Variants in MYH8 observed in about 807,000 individuals in gnomAD.
MYH8 encodes myosin heavy chain 8, also known as myosin-8.
A neutral mutation model predicts 233.2 loss-of-function variants in MYH8; 168 were observed. The observed-to-expected ratio is 0.72, with a 90% CI of 0.64 to 0.82. The LOEUF is 0.82. Among genes scored for constraint, MYH8 ranks in the 40% least tolerant of loss-of-function variants. The pLI is 0.00. For synonymous variants in MYH8, 785 were observed against 850.6 expected (o/e 0.92, Z 1.34); for missense variants, 1,995 against 2,327.8 (o/e 0.86, Z 2.94).
Position 10,401,934 on chromosome 17 carries a change from G to A in MYH8, c.2689-149C>T, listed in dbSNP as rs999302732. 3.8e-5 allele frequency: 46 copies of A among 1,198,018 alleles called. 1 individual carries two copies. The South Asian group carries it at 5.7e-4, about 15-fold the overall frequency. 74.2% of individuals were successfully genotyped at this position (1,198,018 alleles called of 1,614,324 possible). A position where few individuals can be genotyped will look rare whatever the true frequency, so the allele number is the denominator to read the frequency against. The stretch of plus-strand genomic sequence containing the variant: ...TAATTTAATCGAACATTATTACATG[G>A]TCTGGAGAAATGCAGCTTATTGGAA... On this transcript the variant is annotated intron_variant, in intron 22 of 39. Coordinates refer to ENST00000403437, the MANE Select transcript of MYH8 (RefSeq NM_002472.3).
At chr17:10,414,994 A>C (rs1433473121) in intron 9 of MYH8, 122 bp downstream of exon 9, 2 of 882,882 alleles carry the variant, frequency 2.3e-6, no homozygotes, top group African/African-American at 3.3e-5. Flanking sequence ...ATTAGCTTAC[A>C]GGCAGTACTG....
chr17:10,407,071 C>T (rs2072201575), intron 17 of MYH8, 92 bp from the exon 18 acceptor site: 2 of 936,902 alleles, frequency 2.1e-6, no homozygotes, highest in South Asian at 1.4e-5. Flanking sequence ...AGTCCTTTAA[C>T]TACTAGGCAT....
intron 2 of MYH8, 79 bp from the exon 3 acceptor site, chr17:10,420,336 A>G: frequency 7.9e-7 from 1 of 1,261,134 alleles, no homozygotes; most frequent in Non-Finnish European, 1.1e-6. Context: ...AATGAAAGAA[A>G]TGTTGAACAT....
chr17:10,420,924 C>A (rs2072333480), intron 2 of MYH8, among the ~76,000 whole-genome samples: 1 of 152,162 alleles, frequency 6.6e-6, no homozygotes, highest in Non-Finnish European at 1.5e-5. Flanking sequence ...GTTAACAGAT[C>A]TAACCACAGA....
At chr17:10,416,579 A>G (rs1407794978) in intron 5 of MYH8, among the ~76,000 whole-genome samples, 1 of 152,204 alleles carries the variant, frequency 6.6e-6, no homozygotes, top group Non-Finnish European at 1.5e-5. Flanking sequence ...ACAGTGTACA[A>G]GAGTTCTAAT....
intron 17 of MYH8, 147 bp downstream of exon 17, chr17:10,408,950 T>G (rs570795112): frequency 9.7e-6 from 7 of 724,846 alleles, no homozygotes; most frequent in Non-Finnish European, 1.7e-5. Flanking sequence ...CCTACAGGAG[T>G]AGTATTTCTT....
chr17:10,416,244 G>T (rs1399989825), intron 5 of MYH8, among the ~76,000 whole-genome samples: 2 of 152,094 alleles, frequency 1.3e-5, no homozygotes, highest in African/African-American at 2.4e-5. Flanking sequence ...CACTCAGCAT[G>T]GTGTCCTCAA....
Position 10,395,382 on chromosome 17 carries a change from G to A in MYH8, c.4713C>T (p.Val1571=). Residue 1571 remains valine (V), a synonymous_variant, in exon 34 of 40, where the codon GTC becomes GTT. Transcript: ENST00000403437. The part of the protein sequence containing the change: ...ILRIQLELNQ[V]KSEVDRKIAE... ...CGATTTTTCTATCAACTTCAGACTT[G>A]ACTTGGTTTAACTCAAGCTGGATAC... 1 of 1,614,066 alleles carries A rather than the reference G, an allele frequency of 6.2e-7. No homozygotes were observed. Among genetic ancestry groups the A allele is most frequent in the Non-Finnish European group, 8.5e-7 (1 of 1,180,000 alleles).
At chr17:10,408,101 C>T (rs1024968279) in intron 17 of MYH8, among the ~76,000 whole-genome samples, 6 of 151,812 alleles carry the variant, frequency 4.0e-5, no homozygotes, top group South Asian at 2.1e-4. Flanking sequence ...CCACTATGCC[C>T]GGCTAATTTT....
chr17:10,408,005 A>G (rs1382811195), intron 17 of MYH8, among the ~76,000 whole-genome samples: 8 of 149,474 alleles, frequency 5.4e-5, no homozygotes, highest in African/African-American at 2.0e-4. Flanking sequence ...CAGTGGTGCA[A>G]TCTCGGTCCA....
intron 21 of MYH8, among the ~76,000 whole-genome samples, chr17:10,404,923 C>T (rs2072178740): frequency 6.6e-6 from 1 of 151,970 alleles, no homozygotes; most frequent in South Asian, 2.1e-4. Flanking sequence ...CAGCACATAC[C>T]ATTTGACATA....
intron 14 of MYH8, among the ~76,000 whole-genome samples, chr17:10,412,082 T>C (rs1259697522): frequency 6.6e-6 from 1 of 152,218 alleles, no homozygotes; most frequent in Non-Finnish European, 1.5e-5. Context: ...TTTCCCTGCA[T>C]CTTAGTTTCT....
At chr17:10,394,579 C>G in intron 34 of MYH8, 127 bp from the exon 35 acceptor site, 1 of 1,179,916 alleles carries the variant, frequency 8.5e-7, no homozygotes, top group Non-Finnish European at 1.2e-6. Context: ...TTGAATGCAT[C>G]TGATTATGGT....
chr17:10,409,463 C>A lies in MYH8; in HGVS notation c.1713G>T (p.Val571=), dbSNP rs1025725985. ...AGTGGGCCTCAGCCTTGCCTTTGAC[C>A]ACCTTGGGCTTCTGGAAGTTGGCAG... ...GKSANFQKPK[V]VKGKAEAHFS... The change falls in exon 16 of 40, where the codon GTG becomes GTT. Residue 571 remains valine, a synonymous_variant. Coordinates refer to ENST00000403437, the MANE Select transcript of MYH8 (RefSeq NM_002472.3). 5 of 1,614,082 alleles carry A rather than the reference C, an allele frequency of 3.1e-6. No homozygotes were observed. In the African/African-American group the frequency reaches 6.7e-5, roughly 22 times the overall value.
intron 30 of MYH8, among the ~76,000 whole-genome samples, chr17:10,397,824 A>G (rs1013058122): frequency 2.6e-5 from 4 of 152,126 alleles, no homozygotes; most frequent in East Asian, 1.9e-4. Context: ...TAGTTGGACA[A>G]TCTCTCCTGG....
rs1597401380 is a variant in MYH8 at position 10,406,137 on chromosome 17, A to G, written c.2336T>C (p.Met779Thr). 6.2e-7 allele frequency: 1 copy of G among 1,614,094 alleles called. No homozygotes were observed. Among genetic ancestry groups the G allele is most frequent in the South Asian group, 1.1e-5 (1 of 91,072 alleles). The change falls in exon 21 of 40, where the codon ATG becomes ACG. Residue 779 changes from methionine (M) to threonine (T), a missense_variant. By Grantham distance (81) the Met-to-Thr change is moderately conservative. Coordinates refer to ENST00000403437, the MANE Select transcript of MYH8 (RefSeq NM_002472.3). ...KAGLLGLLEE[M>T]RDEKLAQIIT... ...AATTTGGGCTAATTTTTCATCTCTC[A>G]TTTCTTCCAGAAGACCCAGAAGTCC...
At position 10,398,849 on chromosome 17, in the gene MYH8, TA is replaced by T; in HGVS notation, c.3899del (p.Leu1300Ter). ...GCTTGCTCCTTGAAAGCTGAGAGACTAAAGCATCTTTCTCATCTAATTGTCG... is the reference window on the plus strand; with the variant it reads ...GCTTGCTCCTTGAAAGCTGAGAGACTAAGCATCTTTCTCATCTAATTGTCG... ...YSRQLDEKDALVSQLSRSKQA... is the reference protein window; with the variant it reads ...YSRQLDEKDAXVSQLSRSKQA... On this transcript the variant is annotated frameshift_variant, in exon 29 of 40. Transcript: ENST00000403437. LOFTEE classifies it high-confidence loss of function. 1 of 1,613,648 alleles carries T rather than the reference TA, an allele frequency of 6.2e-7. No individual in the cohort carries two copies. Among genetic ancestry groups the T allele is most frequent in the Non-Finnish European group, 8.5e-7 (1 of 1,179,960 alleles).
Position 10,396,712 on chromosome 17 carries a change from A to G in MYH8, c.4369T>C (p.Ser1457Pro), listed in dbSNP as rs1372272655. ...KKQRNFDKVLSEWKQKYEETQ... is the reference protein window; with the variant it reads ...KKQRNFDKVLPEWKQKYEETQ... The stretch of plus-strand genomic sequence containing the variant: ...TCCTCATACTTCTGCTTCCATTCTG[A>G]TAGGACCTGAAAAGCAATAAATCAT... The change falls in exon 32 of 40, where the codon TCA (serine) becomes CCA (proline). Residue 1457 changes from serine (S) to proline (P), a missense_variant. Physicochemically the swap from Ser to Pro is moderately conservative, Grantham distance 74. Transcript: ENST00000403437. The surrounding 1 kb of genome is among the most constrained non-coding windows in gnomAD (Gnocchi z 4.2). 6.2e-7 allele frequency: 1 copy of G among 1,614,006 alleles called. No homozygotes were observed. The highest frequency in any genetic ancestry group is 8.5e-7 in the Non-Finnish European group (1 of 1,180,026).
chr17:10,394,210 T>C (rs1412149142), intron 35 of MYH8, 39 bp downstream of exon 35: 2 of 1,612,660 alleles, frequency 1.2e-6, no homozygotes, highest in Non-Finnish European at 1.7e-6. Context: ...ATGCATCAGC[T>C]ACCAGTACAC....
Sources: gnomAD v4.1 joint callset for allele counts (sites outside exome capture counted in the v4.1 genomes callset) on GRCh38, gnomAD v4.1.1 for gene constraint, Gnocchi (gnomAD v3.1) non-coding constraint, MANE v1.5 for transcripts, NCBI Gene and HGNC (gene_info 2026-07-23, HGNC 2026-07-21) for gene names.